Variants in ELAPOR1 observed in about 807,000 individuals in gnomAD.
ELAPOR1 encodes the protein endosome-lysosome associated apoptosis and autophagy regulator 1.
A neutral mutation model predicts 119.7 loss-of-function variants in ELAPOR1; 77 were observed. The observed-to-expected ratio is 0.64, with a 90% CI of 0.54 to 0.78. The LOEUF is 0.78. ELAPOR1 is among the 30% of genes least tolerant of loss of function. The pLI is 0.00. For synonymous variants in ELAPOR1, 481 were observed against 487.2 expected (o/e 0.99, Z 0.17); for missense variants, 1,115 against 1,270.4 (o/e 0.88, Z 1.86).
chr1:109,205,795 T>C lies in ELAPOR1; in HGVS notation c.*2783T>C, dbSNP rs1291342665. 1 of 152,232 alleles carries C rather than the reference T, an allele frequency of 6.6e-6. No individual in the cohort carries two copies. The highest frequency in any genetic ancestry group is 1.5e-5 in the Non-Finnish European group (1 of 68,040). 9.4% of individuals were successfully genotyped at this position (152,232 alleles called of 1,614,324 possible). On this transcript the variant is annotated 3_prime_UTR_variant, in exon 22 of 22. Transcript: ENST00000369939. ...TTTTACTACCCCTTACCGTGCTGACTTCTGCAGGTCTGCCCTGTGACCTGT... is the reference window on the plus strand; with the variant it reads ...TTTTACTACCCCTTACCGTGCTGACCTCTGCAGGTCTGCCCTGTGACCTGT...
intron 3 of ELAPOR1, among the ~76,000 whole-genome samples, chr1:109,167,899 G>A (rs1456399551): frequency 6.6e-6 from 1 of 152,118 alleles, no homozygotes; most frequent in Non-Finnish European, 1.5e-5. Flanking sequence ...GTGAGCCACT[G>A]CACCCAGCCT....
intron 1 of ELAPOR1, among the ~76,000 whole-genome samples, chr1:109,149,527 C>T (rs1276815500): frequency 6.6e-6 from 1 of 152,144 alleles, no homozygotes; most frequent in Non-Finnish European, 1.5e-5. Context: ...GACCTTTTGG[C>T]TGTAATCCCA....
intron 1 of ELAPOR1, among the ~76,000 whole-genome samples, chr1:109,159,231 G>A (rs1198668809): frequency 6.6e-6 from 1 of 152,100 alleles, no homozygotes; most frequent in Non-Finnish European, 1.5e-5. Context: ...TCAAAGTGTA[G>A]TTCAGATTTG....
At chr1:109,165,751 T>C (rs537411101) in intron 3 of ELAPOR1, among the ~76,000 whole-genome samples, 44 of 148,152 alleles carry the variant, frequency 3.0e-4, no homozygotes, top group Admixed American at 3.3e-4. Flanking sequence ...TCTTCTTCTT[T>C]TTTTTTTTTT....
intron 1 of ELAPOR1, among the ~76,000 whole-genome samples, chr1:109,131,794 A>G (rs890165183): frequency 1.4e-4 from 21 of 152,312 alleles, no homozygotes; most frequent in African/African-American, 5.1e-4. Context: ...CCCAAATCTT[A>G]GCCCAACCCC....
At chr1:109,167,490 A>G (rs1651670321) in intron 3 of ELAPOR1, among the ~76,000 whole-genome samples, 1 of 152,166 alleles carries the variant, frequency 6.6e-6, no homozygotes, top group African/African-American at 2.4e-5. Flanking sequence ...TGGCTTTCCT[A>G]TTCAGCTGTG....
At chr1:109,184,928 C>T (rs547880216) in intron 7 of ELAPOR1, 117 bp from the exon 8 acceptor site, 712 of 762,084 alleles carry the variant, frequency 9.3e-4, no homozygotes, top group Middle Eastern at 1.7e-3. Context: ...TTTCTACTTC[C>T]GGCAATATTT....
At chr1:109,180,541 C>G (rs1488391672) in intron 7 of ELAPOR1, among the ~76,000 whole-genome samples, 1 of 152,024 alleles carries the variant, frequency 6.6e-6, no homozygotes, top group Non-Finnish European at 1.5e-5. Context: ...ATAATTATAT[C>G]TGCCTCATAG....
At chr1:109,145,232 A>G (rs1650101701) in intron 1 of ELAPOR1, among the ~76,000 whole-genome samples, 1 of 152,166 alleles carries the variant, frequency 6.6e-6, no homozygotes, top group Non-Finnish European at 1.5e-5. Flanking sequence ...ACTAGACACC[A>G]AATGCTTGTG....
At chr1:109,191,515 G>C in intron 12 of ELAPOR1, 44 bp downstream of exon 12, 7 of 1,556,856 alleles carry the variant, frequency 4.5e-6, no homozygotes, top group African/African-American at 1.4e-5. Flanking sequence ...TCCAGGGGAG[G>C]GTTAGCCCCA....
At chr1:109,137,958 G>C (rs1649582169) in intron 1 of ELAPOR1, among the ~76,000 whole-genome samples, 1 of 152,194 alleles carries the variant, frequency 6.6e-6, no homozygotes, top group African/African-American at 2.4e-5. Context: ...GCTGTTTCTA[G>C]AATGAAGGTC....
At chr1:109,170,229 T>C (rs959528233) in intron 3 of ELAPOR1, among the ~76,000 whole-genome samples, 1 of 152,112 alleles carries the variant, frequency 6.6e-6, no homozygotes, top group East Asian at 1.9e-4. Context: ...CACTTGGCAG[T>C]GGGGAAGGCA....
chr1:109,155,730 T>G (rs1360976039), intron 1 of ELAPOR1, among the ~76,000 whole-genome samples: 1 of 152,198 alleles, frequency 6.6e-6, no homozygotes, highest in African/African-American at 2.4e-5. Context: ...CAAATAAGCG[T>G]GAGGGAACAC....
At chr1:109,140,256 G>A (rs931496317) in intron 1 of ELAPOR1, among the ~76,000 whole-genome samples, 7 of 152,146 alleles carry the variant, frequency 4.6e-5, no homozygotes, top group Non-Finnish European at 8.8e-5. Context: ...TGCCAGGATT[G>A]TCCTGACTGT....
At chr1:109,168,753 C>T (rs1414551076) in intron 3 of ELAPOR1, among the ~76,000 whole-genome samples, 1 of 152,142 alleles carries the variant, frequency 6.6e-6, no homozygotes, top group Non-Finnish European at 1.5e-5. Flanking sequence ...GGTAAGTTTC[C>T]TAAGCACTTC....
rs1369498433 is a variant in ELAPOR1 at position 109,200,101 on chromosome 1, G to A, written c.2671G>A (p.Gly891Ser). 1.2e-6 allele frequency: 2 copies of A among 1,614,218 alleles called. No individual in the cohort carries two copies. The highest frequency in any genetic ancestry group is 1.1e-5 in the South Asian group (1 of 91,082). Residue 891 changes from glycine to serine, a missense_variant, in exon 20 of 22, where the codon GGC becomes AGC. Coordinates refer to ENST00000369939, the MANE Select transcript of ELAPOR1 (RefSeq NM_020775.5). The part of the protein sequence containing the change: ...VWREPKLCSG[G>S]ISLPEQRVTI... ...GCGAGAACCCAAGCTATGCTCTGGTGGCATTTCTCTGCCTGAGCAGAGAGT... is the reference window on the plus strand; with the variant it reads ...GCGAGAACCCAAGCTATGCTCTGGTAGCATTTCTCTGCCTGAGCAGAGAGT...
chr1:109,148,680 T>C (rs992664416), intron 1 of ELAPOR1, among the ~76,000 whole-genome samples: 27 of 152,286 alleles, frequency 1.8e-4, no homozygotes, highest in African/African-American at 5.5e-4. Context: ...AGCTAACATA[T>C]CCAAACAAGC....
chr1:109,173,388 A>G, intron 5 of ELAPOR1, 86 bp from the exon 6 acceptor site: 1 of 1,078,516 alleles, frequency 9.3e-7, no homozygotes, highest in Non-Finnish European at 1.4e-6. Flanking sequence ...AGTTAGTAAG[A>G]GAAGTCATCC....
At position 109,198,609 on chromosome 1, in the gene ELAPOR1, A is replaced by G. The variant is rs777777895; in HGVS notation, c.2436A>G (p.Arg812=). ...TGACCCAGTCCTGCAGTTCTGGGAG[A>G]TCAACCACCATCCGCGTCAGGTGCA... ...NDVTQSCSSG[R]STTIRVRCSP... is the part of the protein sequence containing the mutation. Residue 812 remains arginine, a synonymous_variant, in exon 18 of 22, where the codon AGA becomes AGG. Coordinates refer to ENST00000369939, the MANE Select transcript of ELAPOR1 (RefSeq NM_020775.5). 1 of 1,613,920 alleles carries G rather than the reference A, an allele frequency of 6.2e-7. No individual in the cohort carries two copies. Among genetic ancestry groups the G allele is most frequent in the South Asian group, 1.1e-5 (1 of 90,958 alleles).
Sources: allele counts gnomAD v4.1 joint callset (sites outside exome capture counted in the v4.1 genomes callset), GRCh38; gene constraint gnomAD v4.1.1; transcripts MANE v1.5; gene names NCBI Gene and HGNC (gene_info 2026-07-23, HGNC 2026-07-21).